The following SEMA6D variants were observed in gnomAD, a reference collection of about 807,000 sequenced individuals.
SEMA6D encodes semaphorin 6D.
SEMA6D carries 35 observed loss-of-function variants against 106.6 expected under a neutral mutation model. The ratio of observed to expected loss-of-function variants is 0.33; its 90% confidence interval spans 0.25 to 0.44. The LOEUF (loss-of-function observed/expected upper bound fraction) is 0.44, where lower values mean the gene tolerates loss of function less well. SEMA6D is among the 20% of genes least tolerant of loss of function. The probability of loss-of-function intolerance (pLI) is 1.00; values close to 1 mark genes in which losing one functional copy is unlikely to be tolerated. For missense variants in SEMA6D, 1,185 were observed against 1,345.9 expected, an observed-to-expected ratio of 0.88 and a Z score of 1.87; for synonymous variants, 499 against 487.7, an observed-to-expected ratio of 1.02 and a Z score of -0.31.
intron 4 of SEMA6D, among the ~76,000 whole-genome samples, chr15:47,638,303 A>G (rs928340973): frequency 3.3e-5 from 5 of 152,054 alleles, no homozygotes; most frequent in Admixed American, 2.0e-4. Context: ...AGGGGTGAGT[A>G]AGATGAGGCA....
chr15:47,651,733 A>C lies in SEMA6D; in HGVS notation c.-55+50837A>C, dbSNP rs900822023. The stretch of plus-strand genomic sequence containing the variant: ...AGATTTGACAACCTTTGTGATGTTC[A>C]TCTCAGCAATTTTGCACCTTTTGTG... On this transcript the variant is annotated intron_variant, in intron 4 of 19. Coordinates refer to the SEMA6D transcript ENST00000558014. 3.7e-4 allele frequency among the ~76,000 whole-genome samples: 56 copies of C among 152,250 alleles called. 1 individual carries two copies. The highest frequency in any genetic ancestry group is 3.6e-3 in the Admixed American group (55 of 15,292).
At chr15:47,603,656 T>A (rs2076712270) in intron 4 of SEMA6D, among the ~76,000 whole-genome samples, 1 of 152,168 alleles carries the variant, frequency 6.6e-6, no homozygotes, top group African/African-American at 2.4e-5. Context: ...AAGTCCCTCG[T>A]AATTTATAAA....
chr15:47,253,085 C>T (rs1326225461), intron 1 of SEMA6D, among the ~76,000 whole-genome samples: 1 of 152,068 alleles, frequency 6.6e-6, no homozygotes, highest in Non-Finnish European at 1.5e-5. Flanking sequence ...TGATAATACC[C>T]ATTCTAACTG....
chr15:47,309,824 G>C (rs1430533414), intron 1 of SEMA6D, among the ~76,000 whole-genome samples: 1 of 152,146 alleles, frequency 6.6e-6, no homozygotes, highest in African/African-American at 2.4e-5. Context: ...ATTGACTACT[G>C]TACTGAATGG....
intron 1 of SEMA6D, among the ~76,000 whole-genome samples, chr15:47,363,107 G>T (rs957289026): frequency 1.3e-5 from 2 of 152,042 alleles, no homozygotes; most frequent in Non-Finnish European, 2.9e-5. Flanking sequence ...CTATGAAGTT[G>T]TACTGTAACT....
chr15:47,554,575 G>C (rs2045861619), intron 3 of SEMA6D, among the ~76,000 whole-genome samples: 1 of 152,146 alleles, frequency 6.6e-6, no homozygotes, highest in Non-Finnish European at 1.5e-5. Context: ...TTTCCCAAGA[G>C]AGCACCTTTA....
chr15:47,492,989 A>C (rs1447971740), intron 3 of SEMA6D, among the ~76,000 whole-genome samples: 2 of 152,154 alleles, frequency 1.3e-5, no homozygotes, highest in Admixed American at 1.3e-4. Context: ...AACAAGAAAA[A>C]AAACTAAGAG....
chr15:47,413,783 A>G (rs1424856370), intron 2 of SEMA6D, among the ~76,000 whole-genome samples: 2 of 152,164 alleles, frequency 1.3e-5, no homozygotes, highest in Non-Finnish European at 2.9e-5. Context: ...GCATTCGGCC[A>G]CTAATATAGT....
At chr15:47,190,912 G>A (rs756503829) in intron 1 of SEMA6D, among the ~76,000 whole-genome samples, 1 of 152,154 alleles carries the variant, frequency 6.6e-6, no homozygotes, top group African/African-American at 2.4e-5. Context: ...GCTCATACCT[G>A]TAATCGCAGA....
intron 3 of SEMA6D, among the ~76,000 whole-genome samples, chr15:47,494,693 T>G (rs1372102449): frequency 7.0e-6 from 1 of 142,276 alleles, no homozygotes; most frequent in Non-Finnish European, 1.5e-5. Context: ...TCTCTTATTT[T>G]TCTTCTAACC....
Position 47,771,367 on chromosome 15 carries a change from C to A in SEMA6D, c.2804C>A (p.Thr935Asn), listed in dbSNP as rs2082618718. Residue 935 changes from threonine to asparagine, a missense_variant, in exon 19 of 19, where the codon ACT becomes AAT. Physicochemically the swap from Thr to Asn is moderately conservative, Grantham distance 65 (BLOSUM62 0). Around this residue, in one of 3 missense-constraint regions of SEMA6D, gnomAD observed 750 missense variants for 783.5 expected, o/e 0.96. Transcript: ENST00000536845. ...REASLYSPPS[T>N]LPRNSPTKRV... ...GCATCGCTATACTCCCCTCCTTCAA[C>A]TCTCCCCAGAAATAGCCCAACCAAG... 4 of 1,614,018 alleles carry A rather than the reference C, an allele frequency of 2.5e-6. No homozygotes were observed. The highest frequency in any genetic ancestry group is 1.7e-5 in the Admixed American group (1 of 60,018).
intron 1 of SEMA6D, among the ~76,000 whole-genome samples, chr15:47,188,935 A>G (rs1893761216): frequency 6.6e-6 from 1 of 152,216 alleles, no homozygotes; most frequent in South Asian, 2.1e-4. Context: ...ATGTGCATAC[A>G]TCTGTTGCAC....
chr15:47,221,916 G>A (rs1432161688), intron 1 of SEMA6D, among the ~76,000 whole-genome samples: 1 of 151,960 alleles, frequency 6.6e-6, no homozygotes, highest in Non-Finnish European at 1.5e-5. Context: ...CAATCTTTAT[G>A]CATTTTATTT....
In SEMA6D at chr15:47,772,846, AC is replaced by A. The variant is rs2082693174; in HGVS notation, c.*1067del. On this transcript the variant is annotated 3_prime_UTR_variant, in exon 19 of 19. Coordinates refer to ENST00000536845, the MANE Select transcript of SEMA6D (RefSeq NM_001358351.3). ...AATTTCTCCTCCTTTAACTCCTCCT[AC>A]CCCCCAAGGTAAGAAACAAAAAACA... 1 of 116,928 alleles carries A rather than the reference AC, an allele frequency of 8.6e-6. No individual in the cohort carries two copies. Among genetic ancestry groups the A allele is most frequent in the Admixed American group, 1.2e-4 (1 of 8,152 alleles). The allele number at this position is 116,928 out of a possible 1,614,324, so 7.2% of individuals were successfully genotyped here. A position where few individuals can be genotyped will look rare whatever the true frequency, so the allele number is the denominator to read the frequency against.
At position 47,397,603 on chromosome 15, in the gene SEMA6D, T is replaced by C. The variant is rs16959408; in HGVS notation, c.-238-14790T>C. 3.7e-3 allele frequency: 568 copies of C among 152,346 alleles called. 5 individuals are homozygous for C. The highest frequency in any genetic ancestry group is 0.013 in the African/African-American group (539 of 41,580). 9.4% of individuals were successfully genotyped at this position (152,346 alleles called of 1,614,324 possible). A position where few individuals can be genotyped will look rare whatever the true frequency, so the allele number is the denominator to read the frequency against. ...AGAAATTGTACATTGATATACTATA[T>C]GCATGCTTGTTAGAGGTGATTTTAT... is the stretch of plus-strand genomic sequence containing the variant. On this transcript the variant is annotated intron_variant, in intron 1 of 19. Transcript: ENST00000558014.
intron 3 of SEMA6D, among the ~76,000 whole-genome samples, chr15:47,565,968 C>T (rs72733877): frequency 0.06 from 9,096 of 152,142 alleles, 303 homozygotes; most frequent in Middle Eastern, 0.075. Context: ...TTTTAAACAT[C>T]GCAAAACCCC....
In SEMA6D at chr15:47,339,716, G is replaced by A. The variant is rs138861444; in HGVS notation, c.-238-72677G>A. On this transcript the variant is annotated intron_variant, in intron 1 of 19. Transcript: ENST00000558014. The stretch of plus-strand genomic sequence containing the variant: ...TTCATTAAAAATACAAAAATTAGCC[G>A]GGTGTGGTGTCACATGCCTGTAGTC... Among the ~76,000 whole-genome samples the A allele has an allele frequency of 4.9e-4, 74 of 152,120 alleles. No homozygotes were observed. The East Asian group carries it at 0.012, about 25-fold the overall frequency.
chr15:47,430,916 A>G (rs281236), intron 2 of SEMA6D, among the ~76,000 whole-genome samples: 80,839 of 151,864 alleles, frequency 0.53, 21,847 homozygotes, highest in South Asian at 0.63. Flanking sequence ...GCCCAGCAAA[A>G]CTCAGATGGT....
At position 47,766,620 on chromosome 15, in the gene SEMA6D, G is replaced by A; in HGVS notation, c.1651G>A (p.Glu551Lys). 6.2e-7 allele frequency: 1 copy of A among 1,612,774 alleles called. No homozygotes were observed. Among genetic ancestry groups the A allele is most frequent in the South Asian group, 1.1e-5 (1 of 90,992 alleles). ...CGRVTPGMLA[E>K]GYEQDTEFGN... ...CTTTGCTTTCCATAACCACAGTGCT[G>A]AAGGATATGAACAAGACACAGAATT... Residue 551 changes from glutamate to lysine, a missense_variant, in exon 16 of 19, where the codon GAA becomes AAA. Physicochemically the swap from Glu to Lys is moderately conservative, Grantham distance 56. Coordinates refer to ENST00000536845, the MANE Select transcript of SEMA6D (RefSeq NM_001358351.3).
Sources: allele counts gnomAD v4.1 joint callset (sites outside exome capture counted in the v4.1 genomes callset), GRCh38; gene constraint gnomAD v4.1.1; regional missense constraint gnomAD v4.1.1; transcripts MANE v1.5; gene names NCBI Gene and HGNC (gene_info 2026-07-23, HGNC 2026-07-21).